The following CNTN5 variants were observed in gnomAD, a reference collection of about 807,000 sequenced individuals.
CNTN5 encodes the protein contactin 5.
In CNTN5, 77 loss-of-function variants were observed where a neutral mutation model predicts 129.1. That is an observed-to-expected ratio of 0.60 (90% CI 0.50 to 0.72). The LOEUF is 0.72. CNTN5 is among the 30% of genes least tolerant of loss of function. The pLI is 0.00. For synonymous variants in CNTN5, 509 were observed against 465.6 expected, an observed-to-expected ratio of 1.09 and a Z score of -1.20; for missense variants, 1,478 against 1,328.8, an observed-to-expected ratio of 1.11 and a Z score of -1.75.
intron 13 of CNTN5, among the ~76,000 whole-genome samples, chr11:100,102,409 G>A (rs896043763): frequency 1.3e-4 from 20 of 151,986 alleles, no homozygotes; most frequent in African/African-American, 1.9e-4. Context: ...TTTTTGATGG[G>A]ATTATTTGTT....
intron 2 of CNTN5, among the ~76,000 whole-genome samples, chr11:99,444,235 A>G (rs1943965500): frequency 6.6e-6 from 1 of 152,120 alleles, no homozygotes; most frequent in South Asian, 2.1e-4. Flanking sequence ...AGAGAGAGAG[A>G]AAGAAAATAT....
chr11:99,932,154 C>G (rs1950206996), intron 7 of CNTN5, among the ~76,000 whole-genome samples: 1 of 143,070 alleles, frequency 7.0e-6, no homozygotes, highest in South Asian at 2.2e-4. Context: ...AATGCTTACC[C>G]ATCTCCCTTA....
At chr11:99,516,440 C>T (rs1290856277) in intron 2 of CNTN5, among the ~76,000 whole-genome samples, 1 of 152,032 alleles carries the variant, frequency 6.6e-6, no homozygotes, top group African/African-American at 2.4e-5. Flanking sequence ...CTAGTATGTT[C>T]TCTGAAAAGA....
At chr11:100,339,086 A>G (rs1952100951) in intron 21 of CNTN5, among the ~76,000 whole-genome samples, 1 of 151,316 alleles carries the variant, frequency 6.6e-6, no homozygotes, top group Admixed American at 6.6e-5. Flanking sequence ...TGACCCTGAA[A>G]CCCCAGAGGA....
intron 4 of CNTN5, among the ~76,000 whole-genome samples, chr11:99,837,862 TTTAGTAAAAGC>T (rs1947355969): frequency 2.6e-5 from 4 of 152,064 alleles, no homozygotes; most frequent in Non-Finnish European, 5.9e-5. Context: ...ACAGCTTTGT[TTTAGTAAAAGC>T]TAAAAGTAAA....
intron 2 of CNTN5, among the ~76,000 whole-genome samples, chr11:99,457,132 A>G (rs1944525371): frequency 6.6e-6 from 1 of 151,972 alleles, no homozygotes; most frequent in East Asian, 1.9e-4. Context: ...GGTGTATATA[A>G]ATATATATTC....
chr11:99,688,585 T>C (rs1020337506), intron 3 of CNTN5, among the ~76,000 whole-genome samples: 1 of 152,104 alleles, frequency 6.6e-6, no homozygotes, highest in African/African-American at 2.4e-5. Context: ...TCCACAGTGT[T>C]TTTTAACTTT....
chr11:99,821,770 C>A (rs1379923533), intron 4 of CNTN5, among the ~76,000 whole-genome samples: 1 of 152,076 alleles, frequency 6.6e-6, no homozygotes, highest in East Asian at 1.9e-4. Context: ...CAAGAGAATA[C>A]CACTTACAAA....
At chr11:99,771,518 G>C (rs938513975) in intron 3 of CNTN5, among the ~76,000 whole-genome samples, 2 of 151,938 alleles carry the variant, frequency 1.3e-5, no homozygotes, top group Admixed American at 6.6e-5. Context: ...GAAACTGGAG[G>C]ATATTATGTT....
At chr11:99,179,805 T>C (rs187139978) in intron 1 of CNTN5, among the ~76,000 whole-genome samples, 2 of 152,296 alleles carry the variant, frequency 1.3e-5, no homozygotes, top group Admixed American at 1.3e-4. Flanking sequence ...AAATAAGATT[T>C]TGTGGTGATG....
At chr11:99,816,313 T>C (rs1946584404) in intron 3 of CNTN5, among the ~76,000 whole-genome samples, 1 of 152,196 alleles carries the variant, frequency 6.6e-6, no homozygotes, top group Non-Finnish European at 1.5e-5. Context: ...AGCTTGTCTA[T>C]TCTCAGTTTC....
intron 6 of CNTN5, among the ~76,000 whole-genome samples, chr11:99,903,327 T>C (rs1056809537): frequency 6.6e-6 from 1 of 151,764 alleles, no homozygotes; most frequent in Non-Finnish European, 1.5e-5. Context: ...GTAACCATAG[T>C]ATAATCATGG....
intron 8 of CNTN5, among the ~76,000 whole-genome samples, chr11:99,987,416 AC>A (rs1254857046): frequency 2.0e-5 from 3 of 151,692 alleles, no homozygotes; most frequent in Non-Finnish European, 2.9e-5. Flanking sequence ...ATATATACAC[AC>A]ACAGTATTCA....
chr11:99,248,852 GT>G (rs1221865065), intron 1 of CNTN5, among the ~76,000 whole-genome samples: 2 of 152,154 alleles, frequency 1.3e-5, no homozygotes, highest in Non-Finnish European at 2.9e-5. Flanking sequence ...GTACCATGCT[GT>G]TTTGGTTACT....
At chr11:99,820,576 C>CCTCAGTTGGCATCTGAGGA (rs375014291) in intron 4 of CNTN5, among the ~76,000 whole-genome samples, 17 of 151,566 alleles carry the variant, frequency 1.1e-4, no homozygotes, top group Admixed American at 3.9e-4. Context: ...ATGCCTGGTT[C>CCTCAGTTGGCATCTGAGGA]ATTAACAGCA....
In CNTN5 at chr11:100,203,760, T is replaced by C. The variant is rs984518762; in HGVS notation, c.1884+10097T>C. ...TTCTAACAAGCCGATTTTATCATAC[T>C]GCCCCTCCCCATCCCATCCAATTAC... On this transcript the variant is annotated intron_variant, in intron 15 of 24. Coordinates refer to ENST00000524871, the MANE Select transcript of CNTN5 (RefSeq NM_014361.4). 4.8e-5 allele frequency among the ~76,000 whole-genome samples: 7 copies of C among 146,708 alleles called. 1 individual carries two copies. Among genetic ancestry groups the C allele is most frequent in the African/African-American group, 1.8e-4 (7 of 39,556 alleles).
In CNTN5 at chr11:99,839,715, A is replaced by T. The variant is rs374802822; in HGVS notation, c.278-5137A>T. ...TGATATGTAAGTTTTGGAGCTCGGGAAACAAATGGAAGAGAGAAAAAATGA... is the reference window on the plus strand; with the variant it reads ...TGATATGTAAGTTTTGGAGCTCGGGTAACAAATGGAAGAGAGAAAAAATGA... On this transcript the variant is annotated intron_variant, in intron 4 of 24. Transcript: ENST00000524871. Among the ~76,000 whole-genome samples, 4 of 152,140 alleles carry T rather than the reference A, an allele frequency of 2.6e-5. No homozygotes were observed. In the East Asian group the frequency reaches 7.7e-4, roughly 29 times the overall value.
In CNTN5 at chr11:99,302,240, C is replaced by G. The variant is rs1355885606; in HGVS notation, c.-209-23106C>G. ...AATATTAAAGCTGAAAAGTAAGAAA[C>G]AGGAAATATAAAAACAATAGTGAAA... On this transcript the variant is annotated intron_variant, in intron 1 of 24. Transcript: ENST00000524871. 7.9e-5 allele frequency among the ~76,000 whole-genome samples: 12 copies of G among 151,206 alleles called. No individual in the cohort carries two copies. In the East Asian group the frequency reaches 2.3e-3, roughly 29 times the overall value.
intron 2 of CNTN5, among the ~76,000 whole-genome samples, chr11:99,523,634 T>C (rs1308204481): frequency 1.0e-4 from 5 of 48,914 alleles, no homozygotes; most frequent in African/African-American, 2.3e-4. Context: ...TAGAATAGAA[T>C]AGAATAGAAT....
Sources: gnomAD v4.1 joint callset for allele counts (sites outside exome capture counted in the v4.1 genomes callset) on GRCh38, gnomAD v4.1.1 for gene constraint, MANE v1.5 for transcripts, NCBI Gene and HGNC (gene_info 2026-07-23, HGNC 2026-07-21) for gene names.